The following CTNNA3 variants were observed in gnomAD, a reference collection of about 807,000 sequenced individuals.
CTNNA3 encodes the protein catenin alpha-3.
Under a neutral mutation model 95.7 loss-of-function variants are expected in CTNNA3, and 76 were observed. That is an observed-to-expected ratio of 0.79 (90% CI 0.66 to 0.96). CTNNA3 has a LOEUF of 0.96. Ranked by LOEUF, CTNNA3 falls within the 40% of genes least tolerant of loss-of-function variation. The pLI is 0.00. For missense variants in CTNNA3, 1,191 were observed against 1,089.8 expected (o/e 1.09, Z -1.31); for synonymous variants, 431 against 374.4 (o/e 1.15, Z -1.74).
At chr10:66,828,884 G>A (rs1842610227) in intron 7 of CTNNA3, among the ~76,000 whole-genome samples, 1 of 152,188 alleles carries the variant, frequency 6.6e-6, no homozygotes, top group Non-Finnish European at 1.5e-5. Flanking sequence ...CAGAGGGCTT[G>A]CCAGATTGCA....
intron 9 of CTNNA3, among the ~76,000 whole-genome samples, chr10:66,734,335 A>T (rs1300117137): frequency 6.6e-6 from 1 of 152,060 alleles, no homozygotes; most frequent in Non-Finnish European, 1.5e-5. Context: ...CTCTTATCAC[A>T]GAAGCCAAAC....
intron 1 of CTNNA3, among the ~76,000 whole-genome samples, chr10:67,652,565 C>G (rs944477916): frequency 6.6e-6 from 1 of 152,104 alleles, no homozygotes; most frequent in Non-Finnish European, 1.5e-5. Flanking sequence ...AACCAAGTCT[C>G]TCTCTCTCTC....
intron 5 of CTNNA3, among the ~76,000 whole-genome samples, chr10:67,321,765 T>C (rs1423684160): frequency 6.6e-6 from 1 of 152,164 alleles, no homozygotes; most frequent in Non-Finnish European, 1.5e-5. Flanking sequence ...TACAACTTGA[T>C]TTCTGTTTTT....
intron 1 of CTNNA3, among the ~76,000 whole-genome samples, chr10:67,742,378 G>A (rs1841345505): frequency 6.6e-6 from 1 of 151,118 alleles, no homozygotes; most frequent in African/African-American, 2.4e-5. Flanking sequence ...CATGGAAACT[G>A]AACAACCCGC....
intron 15 of CTNNA3, among the ~76,000 whole-genome samples, chr10:66,015,850 A>G (rs1993851): frequency 0.012 from 1,862 of 152,314 alleles, 121 homozygotes; most frequent in Admixed American, 0.1. Flanking sequence ...TATGTACCAT[A>G]TAACATGTAA....
At chr10:66,021,744 C>T (rs548887257) in intron 15 of CTNNA3, among the ~76,000 whole-genome samples, 1 of 148,976 alleles carries the variant, frequency 6.7e-6, no homozygotes, top group Admixed American at 6.8e-5. Flanking sequence ...GACAGAAAAA[C>T]AAAACAATAC....
At chr10:67,688,931 A>G (rs1190774213) in intron 1 of CTNNA3, among the ~76,000 whole-genome samples, 3 of 152,120 alleles carry the variant, frequency 2.0e-5, no homozygotes, top group Admixed American at 6.5e-5. Context: ...TTCCTCTTAG[A>G]CCAAAAAGAG....
chr10:66,899,975 G>A (rs566515276), intron 7 of CTNNA3, among the ~76,000 whole-genome samples: 2 of 152,274 alleles, frequency 1.3e-5, no homozygotes, highest in South Asian at 4.2e-4. Flanking sequence ...GCCCCTGTGT[G>A]ACAGCTCTGA....
chr10:66,313,151 C>T (rs1005018520), intron 12 of CTNNA3, among the ~76,000 whole-genome samples: 2 of 152,082 alleles, frequency 1.3e-5, no homozygotes, highest in Non-Finnish European at 2.9e-5. Flanking sequence ...TGGACATTCC[C>T]GTAAAACTCT....
chr10:66,088,706 A>G (rs1009061340), intron 14 of CTNNA3, among the ~76,000 whole-genome samples: 1 of 152,046 alleles, frequency 6.6e-6, no homozygotes, highest in African/African-American at 2.4e-5. Flanking sequence ...AATTTTCCAT[A>G]AAAACTTTCT....
At chr10:66,878,294 C>T (rs1229918102) in intron 7 of CTNNA3, among the ~76,000 whole-genome samples, 1 of 152,096 alleles carries the variant, frequency 6.6e-6, no homozygotes, top group Non-Finnish European at 1.5e-5. Flanking sequence ...CGGCTCACGG[C>T]AGCCTCAACC....
chr10:67,583,606 G>A (rs1164441058), intron 3 of CTNNA3, among the ~76,000 whole-genome samples: 5 of 152,138 alleles, frequency 3.3e-5, no homozygotes, highest in Non-Finnish European at 7.3e-5. Flanking sequence ...ATGTTGGCCT[G>A]CCTTGCTAGG....
intron 7 of CTNNA3, among the ~76,000 whole-genome samples, chr10:66,797,023 G>T (rs370965471): frequency 6.6e-6 from 1 of 151,250 alleles, no homozygotes; most frequent in Non-Finnish European, 1.5e-5. Context: ...TTTGCATTTA[G>T]AGCCTATTAA....
Position 66,222,752 on chromosome 10 carries a change from G to GGAAAA in CTNNA3, c.1884+57713_1884+57717dup, listed in dbSNP as rs764784055. 3.7e-4 allele frequency among the ~76,000 whole-genome samples: 55 copies of GGAAAA among 150,176 alleles called. No homozygotes were observed. The East Asian group carries it at 9.6e-3, about 26-fold the overall frequency. On this transcript the variant is annotated intron_variant, in intron 13 of 17. Coordinates refer to ENST00000433211, the MANE Select transcript of CTNNA3 (RefSeq NM_013266.4). ...GGAGAGAGAAAAAAATGAAAGAAAA[G>GGAAAA]GAAAAGAAAAGAAAAGAGAAAAGGA...
At chr10:66,878,037 G>A (rs1564739875) in intron 7 of CTNNA3, among the ~76,000 whole-genome samples, 2 of 152,124 alleles carry the variant, frequency 1.3e-5, no homozygotes, top group Admixed American at 6.6e-5. Flanking sequence ...ATCGTTGGCA[G>A]TTCTTGCCAG....
intron 15 of CTNNA3, among the ~76,000 whole-genome samples, chr10:66,032,971 T>G (rs1176131662): frequency 6.6e-6 from 1 of 152,108 alleles, no homozygotes; most frequent in East Asian, 1.9e-4. Flanking sequence ...AATAGCCACA[T>G]TCATTGTACT....
At chr10:67,391,717 A>T (rs1383912399) in intron 5 of CTNNA3, among the ~76,000 whole-genome samples, 39 of 149,234 alleles carry the variant, frequency 2.6e-4, no homozygotes, top group Non-Finnish European at 4.0e-4. Context: ...ATATAGATCA[A>T]TGGAACAGAA....
At chr10:66,665,359 C>T (rs1846414539) in intron 9 of CTNNA3, among the ~76,000 whole-genome samples, 1 of 152,184 alleles carries the variant, frequency 6.6e-6, no homozygotes, top group Non-Finnish European at 1.5e-5. Flanking sequence ...ATCAAGTCAA[C>T]ACATAATAAT....
intron 9 of CTNNA3, among the ~76,000 whole-genome samples, chr10:66,637,302 T>C (rs891401656): frequency 3.3e-5 from 5 of 152,220 alleles, no homozygotes; most frequent in African/African-American, 1.2e-4. Flanking sequence ...TCAATTCTTA[T>C]GTCAAGTAAC....
Sources: allele counts gnomAD v4.1 joint callset (sites outside exome capture counted in the v4.1 genomes callset), GRCh38; gene constraint gnomAD v4.1.1; transcripts MANE v1.5; gene names NCBI Gene and HGNC (gene_info 2026-07-23, HGNC 2026-07-21).